Variants in SLC2A9 observed in about 807,000 individuals in gnomAD.
SLC2A9 encodes the protein solute carrier family 2 member 9.
SLC2A9 carries 39 observed loss-of-function variants against 50.6 expected under a neutral mutation model. That is an observed-to-expected ratio of 0.77 (90% CI 0.60 to 1.01). The LOEUF (loss-of-function observed/expected upper bound fraction) is 1.01. SLC2A9 is among the 50% of genes least tolerant of loss of function. The pLI is 0.00. For synonymous variants in SLC2A9, 324 were observed against 276.9 expected (o/e 1.17, Z -1.69); for missense variants, 686 against 677.6 (o/e 1.01, Z -0.14).
intron 5 of SLC2A9, among the ~76,000 whole-genome samples, chr4:9,965,344 C>G (rs1752897074): frequency 6.6e-6 from 1 of 152,184 alleles, no homozygotes; most frequent in South Asian, 2.1e-4. Context: ...TAGAATCACA[C>G]ATTATCACCC....
At chr4:9,785,193 C>G (rs1719062939) in intron 3 of SLC2A9, among the ~76,000 whole-genome samples, 1 of 152,152 alleles carries the variant, frequency 6.6e-6, no homozygotes, top group Admixed American at 6.5e-5. Flanking sequence ...ATTAACCTTT[C>G]TGGGCCTCAT....
rs376698789 is a variant in SLC2A9, at chr4:9,773,550, C to A, written n.182-2181G>T. 2.2e-4 allele frequency among the ~76,000 whole-genome samples: 34 copies of A among 152,356 alleles called. No individual in the cohort carries two copies. In the South Asian group the frequency reaches 7.0e-3, roughly 32 times the overall value. ...TTGCTAACTGGATTAGGAAAACTCGCTTTGTGCTAAAATGTTTGAGGAAAA... is the reference window on the plus strand; with the variant it reads ...TTGCTAACTGGATTAGGAAAACTCGATTTGTGCTAAAATGTTTGAGGAAAA... On this transcript the variant is annotated intron_variant and non_coding_transcript_variant, in intron 1 of 1. Coordinates refer to the SLC2A9 transcript ENST00000508585.
chr4:10,035,141 T>C (rs567613835), intron 1 of SLC2A9: 1 of 152,238 alleles, frequency 6.6e-6, no homozygotes, highest in East Asian at 1.9e-4. Context: ...ACCCCGCAGG[T>C]TTCCAAGGGC....
intron 10 of SLC2A9, chr4:9,879,318 G>A (rs565279105): frequency 1.0e-6 from 1 of 985,338 alleles, no homozygotes; most frequent in Non-Finnish European, 1.2e-6. Context: ...GTTGCAAGAG[G>A]GGAAATAGCA....
intron 6 of SLC2A9, among the ~76,000 whole-genome samples, chr4:9,925,060 G>A (rs768045602): frequency 2.0e-5 from 3 of 152,118 alleles, no homozygotes; most frequent in African/African-American, 4.8e-5. Context: ...CTCCTCCCAC[G>A]GTCCCTGTGG....
In SLC2A9 at chr4:9,961,394, A is replaced by C. The variant is rs183179416; in HGVS notation, c.681+19198T>G. Among the ~76,000 whole-genome samples, 5 of 152,332 alleles carry C rather than the reference A, an allele frequency of 3.3e-5. No individual in the cohort carries two copies. In the East Asian group the frequency reaches 9.6e-4, roughly 29 times the overall value. ...CAATGAACAGAATAGAGAACTCAGA[A>C]ATAAGACTGAACACCTACAACCATC... On this transcript the variant is annotated intron_variant, in intron 5 of 11. Transcript: ENST00000264784.
At position 9,980,596 on chromosome 4, in the gene SLC2A9, C is replaced by A. The variant is rs948974457; in HGVS notation, c.677G>T (p.Gly226Val). 6.8e-6 allele frequency: 11 copies of A among 1,614,192 alleles called. No homozygotes were observed. Among genetic ancestry groups the A allele is most frequent in the Non-Finnish European group, 9.3e-6 (11 of 1,180,024 alleles). ...TGACCAGGGAGCCACACTCACCTTT[C>A]CCAGCAGCTCGGGCAGGCCCAGAAG... ...GQLLGLPELL[G>V]KESTWPYLFG... Residue 226 changes from glycine to valine, a missense_variant, in exon 5 of 12, where the codon GGA (glycine) becomes GTA (valine). Coordinates refer to ENST00000264784, the MANE Select transcript of SLC2A9 (RefSeq NM_020041.3).
downstream of SLC2A9, among the ~76,000 whole-genome samples, chr4:9,779,280 A>G (rs1409957118): frequency 6.6e-6 from 1 of 151,952 alleles, no homozygotes; most frequent in Non-Finnish European, 1.5e-5. Context: ...TTCCCTAAAC[A>G]TCTTGCCTTG....
At chr4:10,009,590 G>C (rs1761406097) in intron 2 of SLC2A9, 1 of 152,124 alleles carries the variant, frequency 6.6e-6, no homozygotes, top group Non-Finnish European at 1.5e-5. Context: ...CACCATGAAG[G>C]ACAAGAGTCT....
chr4:9,911,687 G>A (rs1032779694), intron 7 of SLC2A9, among the ~76,000 whole-genome samples: 11 of 152,166 alleles, frequency 7.2e-5, no homozygotes, highest in Admixed American at 6.5e-5. Context: ...TTTGCATCTC[G>A]GAATCTCTGT....
chr4:9,886,327 TACA>T (rs1275424580), intron 10 of SLC2A9, among the ~76,000 whole-genome samples: 1 of 152,182 alleles, frequency 6.6e-6, no homozygotes, highest in Non-Finnish European at 1.5e-5. Flanking sequence ...CACTGTAAAC[TACA>T]ACATGTGCTG....
intron 3 of SLC2A9, among the ~76,000 whole-genome samples, chr4:9,781,308 G>A (rs1718324758): frequency 6.6e-6 from 1 of 152,178 alleles, no homozygotes; most frequent in African/African-American, 2.4e-5. Context: ...AGGCTGCCCC[G>A]CTTACCCTTC....
At chr4:9,902,004 T>C (rs1333868307) in intron 8 of SLC2A9, among the ~76,000 whole-genome samples, 1 of 152,228 alleles carries the variant, frequency 6.6e-6, no homozygotes, top group African/African-American at 2.4e-5. Flanking sequence ...CTACATGCCC[T>C]CGGCTGCCCT....
downstream of SLC2A9, among the ~76,000 whole-genome samples, chr4:9,822,100 G>A (rs1474111789): frequency 1.3e-5 from 2 of 152,172 alleles, no homozygotes; most frequent in African/African-American, 4.8e-5. Flanking sequence ...CTCTTGGCAA[G>A]TTGTGTCCTA....
intron 10 of SLC2A9, among the ~76,000 whole-genome samples, chr4:9,843,568 T>C (rs1417638550): frequency 6.6e-6 from 1 of 152,006 alleles, no homozygotes; most frequent in African/African-American, 2.4e-5. Flanking sequence ...TGGGTTAGAG[T>C]CTTGGCTCTG....
At chr4:9,801,981 T>A (rs1044483928) in intron 3 of SLC2A9, among the ~76,000 whole-genome samples, 3 of 152,198 alleles carry the variant, frequency 2.0e-5, no homozygotes, top group Non-Finnish European at 2.9e-5. Context: ...AGCTGATTGA[T>A]TGGGCAGCTG....
chr4:10,014,882 A>G (rs974391429), intron 2 of SLC2A9, among the ~76,000 whole-genome samples: 1 of 152,226 alleles, frequency 6.6e-6, no homozygotes, highest in Non-Finnish European at 1.5e-5. Context: ...ACAAGTAAAC[A>G]TAAAACATCA....
At chr4:9,940,748 G>A (rs1747969907) in intron 6 of SLC2A9, among the ~76,000 whole-genome samples, 1 of 152,140 alleles carries the variant, frequency 6.6e-6, no homozygotes, top group Non-Finnish European at 1.5e-5. Flanking sequence ...TAAACTGCTA[G>A]ACAAATATAG....
At chr4:9,981,096 G>T (rs530196019) in intron 4 of SLC2A9, among the ~76,000 whole-genome samples, 1 of 150,714 alleles carries the variant, frequency 6.6e-6, no homozygotes, top group East Asian at 2.0e-4. Context: ...AGTGATGGTA[G>T]TAATGGTGAT....
Sources: gnomAD v4.1 joint callset for allele counts (sites outside exome capture counted in the v4.1 genomes callset) on GRCh38, gnomAD v4.1.1 for gene constraint, MANE v1.5 for transcripts, NCBI Gene and HGNC (gene_info 2026-07-23, HGNC 2026-07-21) for gene names.